Variants in KANK1 observed in about 807,000 individuals in gnomAD.
KANK1 encodes KN motif and ankyrin repeat domain-containing protein 1.
KANK1 carries 109 observed loss-of-function variants against 106.2 expected under a neutral mutation model. The ratio of observed to expected loss-of-function variants is 1.03; its 90% CI spans 0.88 to 1.20. KANK1 has a LOEUF of 1.20. Among genes scored for constraint, KANK1 ranks in the 50% most tolerant of loss-of-function variants. The pLI is 0.00. For synonymous variants in KANK1, 873 were observed against 652.2 expected (o/e 1.34, Z -5.16); for missense variants, 2,399 against 1,710.7 (o/e 1.40, Z -7.10).
chr9:735,205 T>G (rs943517428), intron 7 of KANK1, among the ~76,000 whole-genome samples: 1 of 152,192 alleles, frequency 6.6e-6, no homozygotes, highest in Non-Finnish European at 1.5e-5. Context: ...ATTTTTTTTT[T>G]AAGTTAGCAT....
intron 1 of KANK1, among the ~76,000 whole-genome samples, chr9:548,231 C>G (rs1254826028): frequency 6.6e-6 from 1 of 152,190 alleles, no homozygotes; most frequent in Non-Finnish European, 1.5e-5. Flanking sequence ...TTCTAAACCA[C>G]ATTACACATC....
chr9:576,552 A>T (rs1163880858), intron 1 of KANK1, among the ~76,000 whole-genome samples: 1 of 152,184 alleles, frequency 6.6e-6, no homozygotes, highest in Admixed American at 6.5e-5. Flanking sequence ...TTGTAATCTC[A>T]GTCTTGAGAG....
At chr9:693,333 C>A in intron 2 of KANK1, 1 of 930,290 alleles carries the variant, frequency 1.1e-6, no homozygotes, top group Non-Finnish European at 1.3e-6. Context: ...TAACAGAGAG[C>A]CTTTCTCTGC....
intron 1 of KANK1, among the ~76,000 whole-genome samples, chr9:627,425 T>C (rs570385673): frequency 1.3e-5 from 2 of 152,258 alleles, no homozygotes; most frequent in African/African-American, 4.8e-5. Flanking sequence ...ACTGGAAGCA[T>C]TGTGCCCAGG....
chr9:575,452 G>C (rs1433051995), intron 1 of KANK1, among the ~76,000 whole-genome samples: 1 of 147,024 alleles, frequency 6.8e-6, no homozygotes, highest in Non-Finnish European at 1.5e-5. Flanking sequence ...AGGATCATTT[G>C]AGCCCAGGAG....
intron 3 of KANK1, among the ~76,000 whole-genome samples, chr9:476,135 A>C (rs1587182430): frequency 2.2e-5 from 3 of 133,518 alleles, no homozygotes; most frequent in Admixed American, 7.5e-5. Context: ...CAAGAGCAAA[A>C]CTCCATCTCA....
At chr9:544,646 T>C (rs1335227628) in intron 1 of KANK1, among the ~76,000 whole-genome samples, 2 of 152,074 alleles carry the variant, frequency 1.3e-5, no homozygotes, top group East Asian at 1.9e-4. Flanking sequence ...CGGGCTGTTA[T>C]GGGCGCTTCA....
intron 3 of KANK1, among the ~76,000 whole-genome samples, chr9:480,648 A>G (rs938895654): frequency 3.3e-5 from 5 of 152,242 alleles, no homozygotes; most frequent in African/African-American, 1.2e-4. Context: ...ATTTTCATCC[A>G]GAAAGAATTA....
At chr9:684,392 A>C (rs536592311) in intron 2 of KANK1, 1 of 985,420 alleles carries the variant, frequency 1.0e-6, no homozygotes, top group East Asian at 1.1e-4. Flanking sequence ...TATAGGTGCC[A>C]ACAAGAAAGA....
intron 2 of KANK1, among the ~76,000 whole-genome samples, chr9:689,084 C>G (rs1428296475): frequency 6.6e-6 from 1 of 152,084 alleles, no homozygotes; most frequent in East Asian, 1.9e-4. Context: ...TCTGTGTCCC[C>G]CCAATTCATT....
Position 711,164 on chromosome 9 carries a change from C to T in KANK1, c.398C>T (p.Thr133Ile), listed in dbSNP as rs1050766131. The T allele has an allele frequency of 6.2e-7, 1 of 1,614,198 alleles. No individual in the cohort carries two copies. Among genetic ancestry groups the T allele is most frequent in the Admixed American group, 1.7e-5 (1 of 60,026 alleles). ...PPLETSLPFLTIPENRQLPPP... is the reference protein window; with the variant it reads ...PPLETSLPFLIIPENRQLPPP... ...CTGGAGACCTCACTCCCTTTTCTTA[C>T]CATCCCAGAAAATCGACAGCTGCCA... is the stretch of plus-strand genomic sequence containing the variant. The change falls in exon 3 of 12, where the codon ACC becomes ATC. Residue 133 changes from threonine to isoleucine, a missense_variant. Coordinates refer to ENST00000382297, the MANE Select transcript of KANK1 (RefSeq NM_015158.5).
rs1426213949 is a variant in KANK1, at chr9:730,109, C to G, written c.2757C>G (p.Ser919Arg). The change falls in exon 4 of 12, where the codon AGC becomes AGG. Residue 919 changes from serine (S) to arginine (R), a missense_variant. Coordinates refer to ENST00000382297, the MANE Select transcript of KANK1 (RefSeq NM_015158.5). ...CGGLQSGSPL[S>R]SQTSQPEQEV... is the part of the protein sequence containing the mutation. Reference sequence around the variant, plus strand: ...GCCTTCAGTCAGGAAGTCCCTTAAGCTCCCAGACATCCCAGCCTGAGCAAG... The same window carrying G: ...GCCTTCAGTCAGGAAGTCCCTTAAGGTCCCAGACATCCCAGCCTGAGCAAG... The G allele has an allele frequency of 6.2e-7, 1 of 1,614,200 alleles. No homozygotes were observed. Among genetic ancestry groups the G allele is most frequent in the Non-Finnish European group, 8.5e-7 (1 of 1,180,038 alleles).
intron 1 of KANK1, among the ~76,000 whole-genome samples, chr9:656,935 A>C (rs1186542169): frequency 6.6e-6 from 1 of 152,076 alleles, no homozygotes; most frequent in Non-Finnish European, 1.5e-5. Flanking sequence ...TGAATGTTTA[A>C]GTGTACACTT....
chr9:571,267 GT>G (rs1358899689), intron 1 of KANK1, among the ~76,000 whole-genome samples: 5 of 152,190 alleles, frequency 3.3e-5, no homozygotes, highest in African/African-American at 1.2e-4. Flanking sequence ...ATACAGTTAT[GT>G]ATAAACCAGA....
At chr9:723,675 T>A (rs1829942012) in intron 3 of KANK1, among the ~76,000 whole-genome samples, 2 of 152,126 alleles carry the variant, frequency 1.3e-5, no homozygotes, top group Admixed American at 6.5e-5. Context: ...TTGAATTTTT[T>A]AAAAATTTTA....
At position 738,300 on chromosome 9, in the gene KANK1, A is replaced by T; in HGVS notation, c.3349A>T (p.Thr1117Ser). The T allele has an allele frequency of 6.2e-7, 1 of 1,612,574 alleles. No individual in the cohort carries two copies. Among genetic ancestry groups the T allele is most frequent in the Non-Finnish European group, 8.5e-7 (1 of 1,179,452 alleles). Residue 1117 changes from threonine (T) to serine (S), a missense_variant, in exon 8 of 12, where the codon ACC becomes TCC. Physicochemically the swap from Thr to Ser is moderately conservative, Grantham distance 58. Transcript: ENST00000382297. ...TSKDMRFCLN[T>S]LQHEWFRVSS... ...GTTTTGGCAGAGGTTCTGTCTGAAC[A>T]CCCTCCAGCACGAGTGGTTCCGCGT...
At chr9:495,445 T>A (rs566075044) in intron 3 of KANK1, 21 of 152,314 alleles carry the variant, frequency 1.4e-4, no homozygotes, top group African/African-American at 4.8e-4. Context: ...TTTCTTCAGA[T>A]TGGCTGGTTT....
rs199881654 is a variant in KANK1, at chr9:712,299, T to A, written c.1533T>A (p.Val511=). The A allele has an allele frequency of 1.9e-6, 3 of 1,614,100 alleles. No individual in the cohort carries two copies. Among genetic ancestry groups the A allele is most frequent in the Non-Finnish European group, 2.5e-6 (3 of 1,180,022 alleles). ...VDKATMAQPL[V]FSKVVEAVVQ... is the part of the protein sequence containing the mutation. ...AAGCCACGATGGCCCAGCCGCTTGTTTTCAGTAAGGTGGTGGAGGCAGTGG... is the reference window on the plus strand; with the variant it reads ...AAGCCACGATGGCCCAGCCGCTTGTATTCAGTAAGGTGGTGGAGGCAGTGG... The change falls in exon 3 of 12, where the codon GTT becomes GTA. Residue 511 remains valine, a synonymous_variant. Transcript: ENST00000382297.
At chr9:604,687 C>T (rs1326727732) in intron 1 of KANK1, among the ~76,000 whole-genome samples, 1 of 151,536 alleles carries the variant, frequency 6.6e-6, no homozygotes, top group East Asian at 1.9e-4. Flanking sequence ...AAAAATTAGC[C>T]GGGCGGGTGG....
Sources: gnomAD v4.1 joint callset for allele counts (sites outside exome capture counted in the v4.1 genomes callset) on GRCh38, gnomAD v4.1.1 for gene constraint, MANE v1.5 for transcripts, NCBI Gene and HGNC (gene_info 2026-07-23, HGNC 2026-07-21) for gene names.